Variants in SDF2 observed in about 807,000 individuals in gnomAD.
SDF2 encodes stromal cell-derived factor 2.
Under a neutral mutation model 20.5 loss-of-function variants are expected in SDF2, and 12 were observed. The observed-to-expected ratio is 0.58, with a 90% CI of 0.37 to 0.95. SDF2 has a LOEUF of 0.95. SDF2 is among the 40% of genes least tolerant of loss of function. SDF2 has a pLI of 0.01. For synonymous variants in SDF2, 100 were observed against 101.0 expected (o/e 0.99, Z 0.06); for missense variants, 238 against 263.1 (o/e 0.90, Z 0.66).
rs111913000 is a variant in SDF2, at chr17:28,658,252, GT to G, written c.152-2770del. On this transcript the variant is annotated intron_variant, in intron 1 of 2. Transcript: ENST00000247020. ...TGGCCTTCATCTGTTTCTACCTGTA[GT>G]TTTTTTTTTTTTTTTTAGTATTTAT... Among the ~76,000 whole-genome samples the G allele has an allele frequency of 3.4e-3, 443 of 130,594 alleles. 2 individuals are homozygous for G. Among genetic ancestry groups the G allele is most frequent in the African/African-American group, 8.0e-3 (288 of 35,802 alleles). 85.7% of individuals were successfully genotyped at this position (130,594 alleles called of 152,430 possible).
intron 1 of SDF2, among the ~76,000 whole-genome samples, chr17:28,660,204 A>C (rs2072010752): frequency 6.6e-6 from 1 of 152,252 alleles, no homozygotes; most frequent in African/African-American, 2.4e-5. Context: ...ACGGCAGTAC[A>C]GTCCAGCCTC....
chr17:28,655,445 CCA>C lies in SDF2; in HGVS notation c.188_189del (p.Val63GlyfsTer2). 1 of 1,613,562 alleles carries C rather than the reference CCA, an allele frequency of 6.2e-7. No individual in the cohort carries two copies. Among genetic ancestry groups the C allele is most frequent in the Non-Finnish European group, 8.5e-7 (1 of 1,179,724 alleles). On this transcript the variant is annotated frameshift_variant, in exon 2 of 3. Coordinates refer to ENST00000247020, the MANE Select transcript of SDF2 (RefSeq NM_006923.4). LOFTEE classifies it high-confidence loss of function. ...GQQSVTGVTS[V>X]DDSNSYWRIR... ...ATCCTCCAGTAACTGTTGCTGTCATCCACAGAGGTTACACCTGTCACTGACTG... is the reference window on the plus strand; with the variant it reads ...ATCCTCCAGTAACTGTTGCTGTCATCCAGAGGTTACACCTGTCACTGACTG...
chr17:28,656,136 T>C (rs1490736123), intron 1 of SDF2: 1 of 152,174 alleles, frequency 6.6e-6, no homozygotes, highest in East Asian at 1.9e-4. Flanking sequence ...TTTTTTCTTC[T>C]ACAACATTAA....
chr17:28,648,964 T>G lies in SDF2; in HGVS notation c.*25A>C. 6.2e-7 allele frequency: 1 copy of G among 1,610,524 alleles called. No individual in the cohort carries two copies. Among genetic ancestry groups the G allele is most frequent in the Non-Finnish European group, 8.5e-7 (1 of 1,177,860 alleles). ...ACAGATGTCTGTGAACATTGTGCGT[T>G]AACAGTGGCTCAGAGCCTCTAGATT... is the stretch of plus-strand genomic sequence containing the variant. On this transcript the variant is annotated 3_prime_UTR_variant, in exon 3 of 3. Transcript: ENST00000247020.
rs1202663991 is a variant in SDF2 at position 28,649,219 on chromosome 17, G to T, written c.406C>A (p.Leu136Ile). The T allele has an allele frequency of 6.2e-7, 1 of 1,614,042 alleles. No homozygotes were observed. Among genetic ancestry groups the T allele is most frequent in the East Asian group, 2.2e-5 (1 of 44,902 alleles). Residue 136 changes from leucine to isoleucine, a missense_variant, in exon 3 of 3, where the codon CTC (leucine) becomes ATC (isoleucine). Physicochemically the swap from Leu to Ile is conservative, Grantham distance 5 (BLOSUM62 2). Transcript: ENST00000247020. ...CTCACCCAGTAGGGTCCATTACAGA[G>T]CACTGTCCAGTCATCCAGATAATCA... Reference protein sequence around the residue: ...EGDYLDDWTVLCNGPYWVRDG... With the variant: ...EGDYLDDWTVICNGPYWVRDG...
intron 1 of SDF2, 29 bp from the exon 2 acceptor site, chr17:28,655,512 C>T (rs758227069): frequency 1.9e-6 from 3 of 1,549,306 alleles, no homozygotes; most frequent in Non-Finnish European, 2.6e-6. Flanking sequence ...AGGCAACTCT[C>T]TTTCTCTGCC....
At chr17:28,654,969 T>C (rs1199294631) in intron 2 of SDF2, among the ~76,000 whole-genome samples, 1 of 140,882 alleles carries the variant, frequency 7.1e-6, no homozygotes, top group Non-Finnish European at 1.6e-5. Context: ...AAAATAAAAA[T>C]AAAAACAAAA....
chr17:28,652,301 C>A (rs974343599), intron 2 of SDF2, among the ~76,000 whole-genome samples: 2 of 151,750 alleles, frequency 1.3e-5, no homozygotes, highest in Admixed American at 1.3e-4. Flanking sequence ...ACACAGGTAA[C>A]AATTCTTTAT....
chr17:28,656,757 T>C (rs2151583468), intron 1 of SDF2, among the ~76,000 whole-genome samples: 1 of 152,216 alleles, frequency 6.6e-6, no homozygotes, highest in East Asian at 1.9e-4. Context: ...CTATACACAC[T>C]AGCCTGGATA....
At chr17:28,656,379 G>A (rs1340290335) in intron 1 of SDF2, 1 of 151,974 alleles carries the variant, frequency 6.6e-6, no homozygotes, top group African/African-American at 2.4e-5. Context: ...CTTGAGCCCA[G>A]GAATTCAAGA....
chr17:28,658,172 C>T (rs76040175), intron 1 of SDF2, among the ~76,000 whole-genome samples: 9 of 152,208 alleles, frequency 5.9e-5, no homozygotes, highest in African/African-American at 2.2e-4. Context: ...TCTATTCAAC[C>T]GTTCACTTCT....
chr17:28,661,245 A>G (rs2072035498), intron 1 of SDF2: 2 of 436,294 alleles, frequency 4.6e-6, no homozygotes, highest in Admixed American at 2.7e-5. Flanking sequence ...GTTGTAGTCA[A>G]CGAGTGAGCT....
Position 28,649,123 on chromosome 17 carries a change from G to A in SDF2, c.502C>T (p.Arg168Ter). The A allele has an allele frequency of 2.5e-6, 4 of 1,614,182 alleles. No homozygotes were observed. Among genetic ancestry groups the A allele is most frequent in the Non-Finnish European group, 3.4e-6 (4 of 1,180,034 alleles). The change falls in exon 3 of 3, where the codon CGA becomes TGA. Residue 168 changes from arginine to a stop codon, truncating the protein, a stop_gained. Transcript: ENST00000247020. LOFTEE classifies it high-confidence loss of function. ...LLSVTGEQYG[R>*]PISGQKEVHG... The stretch of plus-strand genomic sequence containing the variant: ...ACCTCTTTTTGCCCACTGATAGGTC[G>A]ACCATATTGTTCTCCTGTGACAGAC...
chr17:28,661,931 A>C (rs1030019717), upstream of SDF2: 2 of 1,573,656 alleles, frequency 1.3e-6, no homozygotes, highest in Non-Finnish European at 1.7e-6. Context: ...CCCTCCCCGG[A>C]ACCGGAAGCT....
At chr17:28,649,627 G>A (rs1436187291) in intron 2 of SDF2, among the ~76,000 whole-genome samples, 6 of 151,344 alleles carry the variant, frequency 4.0e-5, no homozygotes, top group Admixed American at 6.6e-5. Context: ...CCAGCTACTC[G>A]GGAGGCTGAG....
At chr17:28,660,275 C>A (rs1310021525) in intron 1 of SDF2, among the ~76,000 whole-genome samples, 2 of 152,194 alleles carry the variant, frequency 1.3e-5, no homozygotes, top group South Asian at 4.1e-4. Flanking sequence ...GAGAGGGCTA[C>A]CTGTAGTTCT....
intron 1 of SDF2, among the ~76,000 whole-genome samples, chr17:28,656,510 C>T (rs2071963838): frequency 6.6e-6 from 1 of 151,982 alleles, no homozygotes. Flanking sequence ...ATCGCTTGAA[C>T]CCGGGAGGTG....
chr17:28,649,396 T>A, intron 2 of SDF2, 120 bp from the exon 3 acceptor site: 1 of 906,744 alleles, frequency 1.1e-6, no homozygotes, highest in Non-Finnish European at 1.7e-6. Flanking sequence ...GCCAGGCTTA[T>A]GCCTGTAATC....
At chr17:28,657,326 C>A (rs1288103324) in intron 1 of SDF2, among the ~76,000 whole-genome samples, 1 of 152,040 alleles carries the variant, frequency 6.6e-6, no homozygotes, top group African/African-American at 2.4e-5. Context: ...AGGGGAGGAT[C>A]CCTTGAGTCC....
Sources: gnomAD v4.1 joint callset for allele counts (sites outside exome capture counted in the v4.1 genomes callset) on GRCh38, gnomAD v4.1.1 for gene constraint, MANE v1.5 for transcripts, NCBI Gene and HGNC (gene_info 2026-07-23, HGNC 2026-07-21) for gene names.